DISC1: variants seen among roughly 807,000 people sequenced by gnomAD.
The protein encoded by DISC1 is DISC1 scaffold protein.
In DISC1, 57 loss-of-function variants were observed where a neutral mutation model predicts 84.5. The ratio of observed to expected loss-of-function variants is 0.67; its 90% CI spans 0.55 to 0.84. The LOEUF is 0.84. Ranked by LOEUF, DISC1 falls within the 40% of genes least tolerant of loss-of-function variation. The pLI is 0.00. For synonymous variants in DISC1, 411 were observed against 415.2 expected (o/e 0.99, Z 0.12); for missense variants, 1,000 against 1,057.8 (o/e 0.95, Z 0.76).
At chr1:231,959,121 A>G in intron 10 of DISC1, 1 of 1,223,418 alleles carries the variant, frequency 8.2e-7, no homozygotes, top group Non-Finnish European at 1.0e-6. Flanking sequence ...GAGAGATCAC[A>G]GGAGAGTTTT....
chr1:231,870,445 G>A (rs188401201), intron 9 of DISC1, among the ~76,000 whole-genome samples: 1 of 152,368 alleles, frequency 6.6e-6, no homozygotes, highest in East Asian at 1.9e-4. Context: ...TTTGCAGCTT[G>A]TGCTAAGTAG....
chr1:231,852,091 G>A (rs546660468), intron 9 of DISC1, among the ~76,000 whole-genome samples: 41 of 152,248 alleles, frequency 2.7e-4, no homozygotes, highest in African/African-American at 9.6e-4. Context: ...TCGTGGAATG[G>A]AGGCTTTGAA....
intron 9 of DISC1, among the ~76,000 whole-genome samples, chr1:231,948,605 T>A (rs931700372): frequency 1.4e-5 from 2 of 147,922 alleles, no homozygotes; most frequent in African/African-American, 2.5e-5. Flanking sequence ...AAAGTATAAT[T>A]AAAAAAAAAA....
intron 9 of DISC1, among the ~76,000 whole-genome samples, chr1:231,938,950 A>G (rs2091141726): frequency 6.6e-6 from 1 of 152,122 alleles, no homozygotes; most frequent in South Asian, 2.1e-4. Flanking sequence ...TCTCTGTTTT[A>G]TTCATTGTGT....
intron 9 of DISC1, among the ~76,000 whole-genome samples, chr1:231,868,280 C>T (rs559565226): frequency 1.3e-5 from 2 of 152,036 alleles, no homozygotes; most frequent in East Asian, 1.9e-4. Context: ...CGTATTTTCC[C>T]TCCCCTTTTC....
At chr1:231,921,702 A>ATT (rs1296150741) in intron 9 of DISC1, among the ~76,000 whole-genome samples, 1 of 151,912 alleles carries the variant, frequency 6.6e-6, no homozygotes, top group African/African-American at 2.4e-5. Context: ...ACAAATAAAA[A>ATT]TTTTAAGTAT....
chr1:231,860,878 A>G (rs1473573397), intron 9 of DISC1, among the ~76,000 whole-genome samples: 9 of 152,194 alleles, frequency 5.9e-5, no homozygotes, highest in South Asian at 2.1e-4. Flanking sequence ...TCCTCTTGCA[A>G]TACAGTAACC....
chr1:231,662,268 G>T (rs1005753469), intron 1 of DISC1, among the ~76,000 whole-genome samples: 5 of 152,224 alleles, frequency 3.3e-5, no homozygotes, highest in Non-Finnish European at 5.9e-5. Flanking sequence ...GCTGCTTTTT[G>T]TCTGAGGAGG....
intron 6 of DISC1, among the ~76,000 whole-genome samples, chr1:231,786,974 C>T (rs2077918334): frequency 6.6e-6 from 1 of 152,138 alleles, no homozygotes; most frequent in African/African-American, 2.4e-5. Flanking sequence ...TACCCTTCCC[C>T]TCAAGGATAA....
chr1:231,662,871 A>G (rs891407287), intron 1 of DISC1, among the ~76,000 whole-genome samples: 2 of 152,244 alleles, frequency 1.3e-5, no homozygotes, highest in Non-Finnish European at 2.9e-5. Flanking sequence ...CAAAACACAA[A>G]GAAAACTGGT....
chr1:231,913,630 G>C (rs759205616), intron 9 of DISC1, among the ~76,000 whole-genome samples: 2 of 152,150 alleles, frequency 1.3e-5, no homozygotes, highest in Non-Finnish European at 2.9e-5. Context: ...GCCTTGCCCT[G>C]GTTCTGGGCC....
rs1223007894 is a variant in DISC1 at position 232,006,953 on chromosome 1, G to C, written c.2043-1832G>C. On this transcript the variant is annotated intron_variant, in intron 10 of 12. Transcript: ENST00000439617. ...TCTGTCCCACACATGGCTAAAAGGG[G>C]CCAACGTACAGCTCAGCCTGTTGCT... Among the ~76,000 whole-genome samples, 3 of 152,288 alleles carry C rather than the reference G, an allele frequency of 2.0e-5. No homozygotes were observed. In the East Asian group the frequency reaches 5.8e-4, roughly 29 times the overall value.
chr1:231,839,142 G>A (rs1272723388), intron 9 of DISC1, among the ~76,000 whole-genome samples: 1 of 152,180 alleles, frequency 6.6e-6, no homozygotes, highest in Non-Finnish European at 1.5e-5. Context: ...GGATGGAAGG[G>A]GCAGAAATAG....
intron 1 of DISC1, among the ~76,000 whole-genome samples, chr1:231,692,910 A>T (rs2065219474): frequency 6.6e-6 from 1 of 152,248 alleles, no homozygotes; most frequent in South Asian, 2.1e-4. Context: ...AAAACACATT[A>T]TGAGTAGCAA....
At chr1:231,760,317 C>T (rs1447890372) in intron 4 of DISC1, among the ~76,000 whole-genome samples, 4 of 152,156 alleles carry the variant, frequency 2.6e-5, no homozygotes, top group African/African-American at 9.7e-5. Context: ...GTAAAGTGCA[C>T]TTCATTGGTT....
chr1:231,669,531 A>G lies in DISC1; in HGVS notation c.68-24295A>G, dbSNP rs1013915000. Among the ~76,000 whole-genome samples the G allele has an allele frequency of 2.0e-5, 3 of 152,122 alleles. No individual in the cohort carries two copies. The East Asian group carries it at 5.8e-4, about 29-fold the overall frequency. On this transcript the variant is annotated intron_variant, in intron 1 of 12. Coordinates refer to ENST00000439617, the MANE Select transcript of DISC1 (RefSeq NM_018662.3). ...GAACTTAAACAAATTTACAAGAAAA[A>G]AAACAAACAACCCCATTAAAAAGTG...
rs59801477 is a variant in DISC1, at chr1:231,950,204, C to CTGTGTGTGTGTGTGTG, written c.1982-8595_1982-8580dup. ...CTATAAAAAAGAATGAAAAAAAATT[C>CTGTGTGTGTGTGTGTG]TGTGTGTGTGTGTGTGTGTGTGTGT... On this transcript the variant is annotated intron_variant, in intron 9 of 12. Coordinates refer to ENST00000439617, the MANE Select transcript of DISC1 (RefSeq NM_018662.3). Among the ~76,000 whole-genome samples the CTGTGTGTGTGTGTGTG allele has an allele frequency of 1.2e-3, 170 of 139,520 alleles. 1 individual carries two copies. Among genetic ancestry groups the CTGTGTGTGTGTGTGTG allele is most frequent in the East Asian group, 9.4e-3 (44 of 4,680 alleles). The allele number at this position is 139,520 out of a possible 152,430, so 91.5% of individuals were successfully genotyped here.
intron 9 of DISC1, among the ~76,000 whole-genome samples, chr1:231,907,895 C>A (rs139489231): frequency 2.0e-5 from 3 of 152,022 alleles, no homozygotes; most frequent in Non-Finnish European, 2.9e-5. Flanking sequence ...TATCTCATTG[C>A]GGTTTTGATT....
chr1:231,853,782 C>T (rs2125906745), intron 9 of DISC1, among the ~76,000 whole-genome samples: 1 of 152,296 alleles, frequency 6.6e-6, no homozygotes, highest in East Asian at 1.9e-4. Flanking sequence ...CCAGGGTTGA[C>T]CCAGGGCCAA....
Sources: gnomAD v4.1 joint callset for allele counts (sites outside exome capture counted in the v4.1 genomes callset) on GRCh38, gnomAD v4.1.1 for gene constraint, MANE v1.5 for transcripts, NCBI Gene and HGNC (gene_info 2026-07-23, HGNC 2026-07-21) for gene names.